Variants in PPP1R9A observed in about 807,000 individuals in gnomAD.
PPP1R9A encodes the protein neurabin-1.
In PPP1R9A, 59 loss-of-function variants were observed where a neutral mutation model predicts 141.9. The observed-to-expected ratio is 0.42, with a 90% CI of 0.34 to 0.52. The LOEUF is 0.52. Ranked by LOEUF, PPP1R9A falls within the 20% of genes least tolerant of loss-of-function variation. PPP1R9A has a pLI of 0.10. For synonymous variants in PPP1R9A, 500 were observed against 569.7 expected, an observed-to-expected ratio of 0.88 and a Z score of 1.74; for missense variants, 1,444 against 1,611.9, an observed-to-expected ratio of 0.90 and a Z score of 1.78.
At position 94,909,872 on chromosome 7, in the gene PPP1R9A, C is replaced by A. The variant is rs989460068; in HGVS notation, c.-216-26C>A. On this transcript the variant is annotated intron_variant, in intron 1 of 19. Coordinates refer to ENST00000433360, the MANE Select transcript of PPP1R9A (RefSeq NM_001166160.2). ...ATAAATTCAAATAAGTAAATGAATT[C>A]AGAAATTCATTCTTTTCTATTGCAG... is the stretch of plus-strand genomic sequence containing the variant. 25 of 356,242 alleles carry A rather than the reference C, an allele frequency of 7.0e-5. 1 individual carries two copies. Among genetic ancestry groups the A allele is most frequent in the African/African-American group, 5.2e-4 (25 of 48,218 alleles). 22.1% of individuals were successfully genotyped at this position (356,242 alleles called of 1,614,324 possible). A position where few individuals can be genotyped will look rare whatever the true frequency, so the allele number is the denominator to read the frequency against.
chr7:94,988,626 TGAA>T (rs1801132863), intron 2 of PPP1R9A, among the ~76,000 whole-genome samples: 1 of 151,960 alleles, frequency 6.6e-6, no homozygotes, highest in African/African-American at 2.4e-5. Flanking sequence ...TAACCTTTAT[TGAA>T]AACAGTGGAA....
intron 2 of PPP1R9A, among the ~76,000 whole-genome samples, chr7:94,953,107 T>C (rs1286871651): frequency 6.6e-6 from 1 of 152,250 alleles, no homozygotes; most frequent in Non-Finnish European, 1.5e-5. Flanking sequence ...CATTTAAGTC[T>C]GTAATCCATC....
At chr7:95,097,567 A>T (rs1003434825) in intron 2 of PPP1R9A, among the ~76,000 whole-genome samples, 1 of 152,206 alleles carries the variant, frequency 6.6e-6, no homozygotes, top group Non-Finnish European at 1.5e-5. Context: ...TCACATCGAG[A>T]TATGATACAT....
intron 2 of PPP1R9A, among the ~76,000 whole-genome samples, chr7:95,084,702 T>C (rs937916263): frequency 6.6e-6 from 1 of 152,006 alleles, no homozygotes; most frequent in Non-Finnish European, 1.5e-5. Flanking sequence ...TGTTGAATTT[T>C]TTTATTTTGA....
At chr7:94,966,869 GA>G (rs1257834666) in intron 2 of PPP1R9A, among the ~76,000 whole-genome samples, 1 of 152,154 alleles carries the variant, frequency 6.6e-6, no homozygotes, top group African/African-American at 2.4e-5. Context: ...TCTGTTGTTT[GA>G]AATAGTTTCA....
intron 2 of PPP1R9A, among the ~76,000 whole-genome samples, chr7:94,995,292 A>G (rs1202874722): frequency 2.0e-5 from 3 of 151,906 alleles, no homozygotes; most frequent in African/African-American, 7.3e-5. Context: ...CTTTTTCTCC[A>G]TGTTTCTCAT....
At chr7:94,966,999 A>G (rs1488824087) in intron 2 of PPP1R9A, among the ~76,000 whole-genome samples, 2 of 152,082 alleles carry the variant, frequency 1.3e-5, no homozygotes, top group African/African-American at 2.4e-5. Context: ...AGAACTGGTT[A>G]TTGATCTATT....
At chr7:94,992,967 G>A (rs1040477179) in intron 2 of PPP1R9A, among the ~76,000 whole-genome samples, 1 of 151,834 alleles carries the variant, frequency 6.6e-6, no homozygotes, top group Non-Finnish European at 1.5e-5. Flanking sequence ...GTTAATCCAA[G>A]GTCACAAATA....
intron 12 of PPP1R9A, among the ~76,000 whole-genome samples, chr7:95,261,024 A>G (rs1800350537): frequency 6.6e-6 from 1 of 152,226 alleles, no homozygotes; most frequent in African/African-American, 2.4e-5. Context: ...AATAATAACC[A>G]TATAGCTATG....
rs543748232 is a variant in PPP1R9A, at chr7:95,234,107, G to A, written c.2112+7991G>A. ...TGGGGATAAGTTGAAAGCATTCCCCGTGAAAACTGGAACAAGACAAGGATG... is the reference window on the plus strand; with the variant it reads ...TGGGGATAAGTTGAAAGCATTCCCCATGAAAACTGGAACAAGACAAGGATG... On this transcript the variant is annotated intron_variant, in intron 8 of 19. Coordinates refer to ENST00000433360, the MANE Select transcript of PPP1R9A (RefSeq NM_001166160.2). 4.6e-5 allele frequency among the ~76,000 whole-genome samples: 7 copies of A among 152,186 alleles called. No homozygotes were observed. In the East Asian group the frequency reaches 1.2e-3, roughly 25 times the overall value.
At chr7:95,128,947 T>A (rs1200631221) in intron 4 of PPP1R9A, among the ~76,000 whole-genome samples, 2 of 152,198 alleles carry the variant, frequency 1.3e-5, no homozygotes, top group Non-Finnish European at 2.9e-5. Flanking sequence ...GAATGGTGTT[T>A]CCTAGGTTTT....
chr7:94,951,367 T>G (rs1395417018), intron 2 of PPP1R9A, among the ~76,000 whole-genome samples: 3 of 152,062 alleles, frequency 2.0e-5, no homozygotes, highest in African/African-American at 7.2e-5. Flanking sequence ...GGTGTTAATT[T>G]TTGTTAGGTA....
In PPP1R9A at chr7:95,240,453, CG is replaced by C. The variant is rs201808796; in HGVS notation, c.2113-7019del. 8.1e-3 allele frequency among the ~76,000 whole-genome samples: 1,229 copies of C among 151,152 alleles called. 28 individuals carry two copies. The highest frequency in any genetic ancestry group is 0.04 in the Admixed American group (604 of 15,192). ...GAAATACTGTCATCAGTATCTATTACGTTTTTTTATGGTTTTATTTTGTCTT... is the reference window on the plus strand; with the variant it reads ...GAAATACTGTCATCAGTATCTATTACTTTTTTTATGGTTTTATTTTGTCTT... On this transcript the variant is annotated intron_variant, in intron 8 of 19. Coordinates refer to ENST00000433360, the MANE Select transcript of PPP1R9A (RefSeq NM_001166160.2).
Position 95,274,124 on chromosome 7 carries a change from G to GAAAGAA in PPP1R9A, c.3265_3270dup (p.Lys1089_Glu1090dup), listed in dbSNP as rs768824298. On this transcript the variant is annotated inframe_insertion, in exon 16 of 20. Transcript: ENST00000433360. ...GGAATTCCAGCAAGGGAAAGAAGTGGAAAGAAAAAGAAAAAGAAGCCAGTA... is the reference window on the plus strand; with the variant it reads ...GGAATTCCAGCAAGGGAAAGAAGTGGAAAGAAAAAGAAAAAGAAAAAGAAGCCAGTA... 2 of 1,583,138 alleles carry GAAAGAA rather than the reference G, an allele frequency of 1.3e-6. No individual in the cohort carries two copies. Among genetic ancestry groups the GAAAGAA allele is most frequent in the South Asian group, 1.1e-5 (1 of 88,284 alleles).
At chr7:95,203,199 T>A (rs1378849571) in intron 6 of PPP1R9A, among the ~76,000 whole-genome samples, 1 of 152,110 alleles carries the variant, frequency 6.6e-6, no homozygotes, top group Admixed American at 6.5e-5. Context: ...GAATACAGTT[T>A]AGAGTAGCTG....
chr7:95,203,352 C>T (rs1789994123), intron 6 of PPP1R9A, among the ~76,000 whole-genome samples: 1 of 152,022 alleles, frequency 6.6e-6, no homozygotes, highest in South Asian at 2.1e-4. Flanking sequence ...AGAGGGATAA[C>T]ATTAAGTTTG....
At chr7:95,036,641 C>T (rs1444448137) in intron 2 of PPP1R9A, 1 of 152,224 alleles carries the variant, frequency 6.6e-6, no homozygotes, top group Non-Finnish European at 1.5e-5. Context: ...GCACTGCTAA[C>T]ACCTTGCATT....
At chr7:95,019,024 T>C (rs1805503773) in intron 2 of PPP1R9A, among the ~76,000 whole-genome samples, 1 of 152,226 alleles carries the variant, frequency 6.6e-6, no homozygotes, top group Admixed American at 6.5e-5. Context: ...ACAATTAACA[T>C]TAACTCTTAA....
At chr7:95,227,106 G>A (rs1032459616) in intron 8 of PPP1R9A, among the ~76,000 whole-genome samples, 1 of 152,190 alleles carries the variant, frequency 6.6e-6, no homozygotes, top group African/African-American at 2.4e-5. Context: ...AGAAAGAGGT[G>A]TAATCTAGTT....
Sources: allele counts gnomAD v4.1 joint callset (sites outside exome capture counted in the v4.1 genomes callset), GRCh38; gene constraint gnomAD v4.1.1; transcripts MANE v1.5; gene names NCBI Gene and HGNC (gene_info 2026-07-23, HGNC 2026-07-21).